Variants in PTCHD4 observed in about 807,000 individuals in gnomAD.
PTCHD4 encodes patched domain-containing protein 4.
Under a neutral mutation model 58.1 loss-of-function variants are expected in PTCHD4, and 33 were observed. The observed-to-expected ratio is 0.57, with a 90% CI of 0.43 to 0.76. The LOEUF is 0.76. PTCHD4 is among the 30% of genes least tolerant of loss of function. The pLI, the probability that PTCHD4 is intolerant of heterozygous loss-of-function variation, is 0.00. For missense variants in PTCHD4, 1,058 were observed against 1,027.1 expected (o/e 1.03, Z -0.41); for synonymous variants, 478 against 409.6 (o/e 1.17, Z -2.02).
intron 1 of PTCHD4, among the ~76,000 whole-genome samples, chr6:48,088,756 G>C (rs1765308637): frequency 6.6e-6 from 1 of 152,032 alleles, no homozygotes; most frequent in Non-Finnish European, 1.5e-5. Flanking sequence ...TAAAGGAATG[G>C]GGGATGGCCA....
intron 3 of PTCHD4, among the ~76,000 whole-genome samples, chr6:48,063,454 T>C (rs332569): frequency 0.25 from 38,316 of 152,042 alleles, 5,076 homozygotes; most frequent in African/African-American, 0.34. Flanking sequence ...AAAGGGCTGT[T>C]GTTACAGAGA....
intron 3 of PTCHD4, among the ~76,000 whole-genome samples, chr6:48,051,062 G>A (rs1764216925): frequency 6.6e-6 from 1 of 151,844 alleles, no homozygotes; most frequent in African/African-American, 2.4e-5. Context: ...TCAATTCTCA[G>A]GAACACACAG....
chr6:47,904,452 T>G (rs531960258), intron 4 of PTCHD4, among the ~76,000 whole-genome samples: 1 of 152,116 alleles, frequency 6.6e-6, no homozygotes, highest in East Asian at 1.9e-4. Flanking sequence ...AATAGCAGAG[T>G]TGAGTAGTTG....
At position 47,873,060 on chromosome 6, in the gene PTCHD4, G is replaced by A. The variant is rs1401829039; in HGVS notation, c.*5243C>T. On this transcript the variant is annotated 3_prime_UTR_variant, in exon 5 of 5. Transcript: ENST00000339488. The stretch of plus-strand genomic sequence containing the variant: ...TGCTTACTTTAAGCTTCTTTACAAA[G>A]AGTCTCCCTAGCTTTTCACTTTCAC... Among the ~76,000 whole-genome samples the A allele has an allele frequency of 6.6e-6, 1 of 151,594 alleles. No individual in the cohort carries two copies. Among genetic ancestry groups the A allele is most frequent in the Non-Finnish European group, 1.5e-5 (1 of 67,730 alleles).
At chr6:47,928,422 A>G (rs1765698256) in intron 4 of PTCHD4, among the ~76,000 whole-genome samples, 1 of 152,194 alleles carries the variant, frequency 6.6e-6, no homozygotes, top group Non-Finnish European at 1.5e-5. Context: ...AGGGGATGAG[A>G]TTCCAAAAAA....
intron 3 of PTCHD4, among the ~76,000 whole-genome samples, chr6:48,059,001 G>A (rs989411747): frequency 6.6e-6 from 1 of 152,222 alleles, no homozygotes; most frequent in South Asian, 2.1e-4. Flanking sequence ...GTAATTCCCT[G>A]TCTTCCGGAT....
chr6:47,910,910 T>C (rs1296275518), intron 4 of PTCHD4, among the ~76,000 whole-genome samples: 1 of 152,148 alleles, frequency 6.6e-6, no homozygotes, highest in Non-Finnish European at 1.5e-5. Context: ...TGGTCACTGT[T>C]TTAGGCACCA....
rs902018788 is a variant in PTCHD4, at chr6:47,955,557, T to G, written c.898+53077A>C. 5.3e-5 allele frequency among the ~76,000 whole-genome samples: 8 copies of G among 152,334 alleles called. No individual in the cohort carries two copies. In the East Asian group the frequency reaches 1.5e-3, roughly 29 times the overall value. Reference sequence around the variant, plus strand: ...ACAAGAGCAAGTGGTCCAGTTTTCCTGGAGTGTAGGAAACCTTTCAAAACG... The same window carrying G: ...ACAAGAGCAAGTGGTCCAGTTTTCCGGGAGTGTAGGAAACCTTTCAAAACG... On this transcript the variant is annotated intron_variant, in intron 4 of 4. Coordinates refer to ENST00000339488, the MANE Select transcript of PTCHD4 (RefSeq NM_001384253.1).
chr6:48,048,898 T>G (rs1764132738), intron 3 of PTCHD4, among the ~76,000 whole-genome samples: 1 of 151,942 alleles, frequency 6.6e-6, no homozygotes, highest in Non-Finnish European at 1.5e-5. Flanking sequence ...CTAGAAATTC[T>G]TCAGAGAGTA....
intron 1 of PTCHD4, among the ~76,000 whole-genome samples, chr6:48,089,617 G>C (rs1300652145): frequency 6.6e-6 from 1 of 152,128 alleles, no homozygotes; most frequent in African/African-American, 2.4e-5. Flanking sequence ...TTGCAATCTT[G>C]TATATGATTT....
In PTCHD4 at chr6:47,927,132, CA is replaced by C. The variant is rs377299809; in HGVS notation, c.899-47197del. On this transcript the variant is annotated intron_variant, in intron 4 of 4. Transcript: ENST00000339488. Reference sequence around the variant, plus strand: ...GAAGCCATCATTTCTCAGGACTAACCAAAAGAGTCGGCACCTGAGCTCAGCT... The same window carrying C: ...GAAGCCATCATTTCTCAGGACTAACCAAAGAGTCGGCACCTGAGCTCAGCT... 1.8e-3 allele frequency among the ~76,000 whole-genome samples: 276 copies of C among 152,258 alleles called. 2 individuals are homozygous for C. Among genetic ancestry groups the C allele is most frequent in the African/African-American group, 6.2e-3 (257 of 41,546 alleles).
At chr6:48,085,855 C>T (rs1008504449) in intron 1 of PTCHD4, among the ~76,000 whole-genome samples, 1 of 152,008 alleles carries the variant, frequency 6.6e-6, no homozygotes, top group African/African-American at 2.4e-5. Flanking sequence ...CGTGCTTAGT[C>T]TGGTAATGGC....
chr6:48,039,954 G>C (rs1039801108), intron 3 of PTCHD4, among the ~76,000 whole-genome samples: 2 of 152,080 alleles, frequency 1.3e-5, no homozygotes. Flanking sequence ...TGGGAAGCTT[G>C]TGGAAATGCA....
At chr6:48,099,096 A>G (rs1765539829) in intron 1 of PTCHD4, among the ~76,000 whole-genome samples, 1 of 152,184 alleles carries the variant, frequency 6.6e-6, no homozygotes. Context: ...CTTTCATTTG[A>G]GAAGCTGCTT....
At chr6:47,952,589 A>G (rs144484016) in intron 4 of PTCHD4, among the ~76,000 whole-genome samples, 2,591 of 152,222 alleles carry the variant, frequency 0.017, 38 homozygotes, top group South Asian at 0.046. Flanking sequence ...CAGTGATTCC[A>G]TAAGATTACA....
At chr6:47,884,082 TTATG>T (rs1264358188) in intron 4 of PTCHD4, among the ~76,000 whole-genome samples, 3 of 151,328 alleles carry the variant, frequency 2.0e-5, no homozygotes, top group African/African-American at 7.3e-5. Flanking sequence ...TCTTCCAAGC[TTATG>T]TATGTATGTG....
At chr6:47,904,589 G>A (rs1764817142) in intron 4 of PTCHD4, among the ~76,000 whole-genome samples, 1 of 152,182 alleles carries the variant, frequency 6.6e-6, no homozygotes, top group Admixed American at 6.5e-5. Context: ...TATCTCTTAT[G>A]TGCAAAATAG....
chr6:47,923,787 A>G (rs1167961428), intron 4 of PTCHD4, among the ~76,000 whole-genome samples: 1 of 152,216 alleles, frequency 6.6e-6, no homozygotes, highest in African/African-American at 2.4e-5. Context: ...ACATGTAAGA[A>G]TGCTTAGTTG....
At chr6:47,917,866 G>C (rs1032259894) in intron 4 of PTCHD4, among the ~76,000 whole-genome samples, 1 of 152,138 alleles carries the variant, frequency 6.6e-6, no homozygotes, top group African/African-American at 2.4e-5. Flanking sequence ...TTGTAACCAT[G>C]AAAAGTGTAC....
Sources: gnomAD v4.1 joint callset for allele counts (sites outside exome capture counted in the v4.1 genomes callset) on GRCh38, gnomAD v4.1.1 for gene constraint, MANE v1.5 for transcripts, NCBI Gene and HGNC (gene_info 2026-07-23, HGNC 2026-07-21) for gene names.